The following MRPL38 variants were observed in gnomAD, a reference collection of about 807,000 sequenced individuals.
The protein encoded by MRPL38 is mitochondrial ribosomal protein L38, also known as large ribosomal subunit protein mL38.
In MRPL38, 51 loss-of-function variants were observed where a neutral mutation model predicts 52.1. That is an observed-to-expected ratio of 0.98 (90% CI 0.78 to 1.24). The LOEUF is 1.24. Ranked by LOEUF, MRPL38 falls within the 50% of genes most tolerant of loss-of-function variation. The pLI, the probability that MRPL38 is intolerant of heterozygous loss-of-function variation, is 0.00. For synonymous variants in MRPL38, 245 were observed against 212.7 expected, an observed-to-expected ratio of 1.15 and a Z score of -1.32; for missense variants, 527 against 518.6, an observed-to-expected ratio of 1.02 and a Z score of -0.16.
At chr17:75,900,885 T>A in intron 6 of MRPL38, 97 bp downstream of exon 6, 2 of 1,500,622 alleles carry the variant, frequency 1.3e-6, no homozygotes, top group Non-Finnish European at 1.8e-6. Flanking sequence ...CAAGGTCCCA[T>A]GGGTAGTCCA....
intron 1 of MRPL38, 27 bp from the exon 2 acceptor site, chr17:75,904,746 C>G: frequency 7.2e-7 from 1 of 1,391,716 alleles, no homozygotes; most frequent in Non-Finnish European, 9.5e-7. Flanking sequence ...GACGTAAGGC[C>G]GGCGCCCCAC....
At chr17:75,899,352 C>T (rs2065393358) in intron 7 of MRPL38, 58 bp from the exon 8 acceptor site, 1 of 1,582,306 alleles carries the variant, frequency 6.3e-7, no homozygotes, top group Admixed American at 1.8e-5. Context: ...GCCCCTCACC[C>T]CGCCACCCCA....
intron 2 of MRPL38, among the ~76,000 whole-genome samples, chr17:75,903,444 CT>C (rs1411813878): frequency 6.6e-6 from 1 of 152,152 alleles, no homozygotes; most frequent in Non-Finnish European, 1.5e-5. Context: ...CGAAAACATA[CT>C]GAGCCCTCAT....
Position 75,899,562 on chromosome 17 carries a change from G to A in MRPL38, c.823C>T (p.Gln275Ter). 1 of 1,606,036 alleles carries A rather than the reference G, an allele frequency of 6.2e-7. No individual in the cohort carries two copies. The highest frequency in any genetic ancestry group is 8.5e-7 in the Non-Finnish European group (1 of 1,175,402). Residue 275 changes from glutamine to a stop codon, truncating the protein, a stop_gained, in exon 7 of 9, where the codon CAG becomes TAG. Coordinates refer to ENST00000309352, the MANE Select transcript of MRPL38 (RefSeq NM_032478.4). LOFTEE classifies it high-confidence loss of function. ...TCAGAGAAGTCAATCGGCTGGTCCTGCTTGAAGAGCAGGAAGGCAAGACGG... is the reference window on the plus strand; with the variant it reads ...TCAGAGAAGTCAATCGGCTGGTCCTACTTGAAGAGCAGGAAGGCAAGACGG... ...IHRLAFLLFK[Q>*]DQPIDFSEDA... is the part of the protein sequence containing the mutation.
rs1323771170 is a variant in MRPL38, at chr17:75,899,140, C to T, written c.1006+18G>A. ...GGGAGCTCAGGCCCACCCAGTGCCCCAGCCCCATGGCCCTTACCCAGAAGC... is the reference window on the plus strand; with the variant it reads ...GGGAGCTCAGGCCCACCCAGTGCCCTAGCCCCATGGCCCTTACCCAGAAGC... On this transcript the variant is annotated intron_variant, in intron 8 of 8. Coordinates refer to ENST00000309352, the MANE Select transcript of MRPL38 (RefSeq NM_032478.4). 1.9e-6 allele frequency: 3 copies of T among 1,592,992 alleles called. No individual in the cohort carries two copies. In the South Asian group the frequency reaches 3.4e-5, roughly 18 times the overall value.
rs2065392933 is a variant in MRPL38 at position 75,899,297 on chromosome 17, A to G, written c.870-3T>C. The G allele has an allele frequency of 1.9e-6, 3 of 1,612,254 alleles. No homozygotes were observed. Among genetic ancestry groups the G allele is most frequent in the Non-Finnish European group, 2.5e-6 (3 of 1,179,426 alleles). The stretch of plus-strand genomic sequence containing the variant: ...AGGTCCGCTGGGCCAGCTGATAGCT[A>G]TGAGAAGATAGAGAGCGTATGAGAG... On this transcript the variant is annotated splice_region_variant and splice_polypyrimidine_tract_variant and intron_variant, in intron 7 of 8. Coordinates refer to ENST00000309352, the MANE Select transcript of MRPL38 (RefSeq NM_032478.4).
chr17:75,899,529 G>T lies in MRPL38; in HGVS notation c.856C>A (p.Arg286Ser), dbSNP rs566410319. 1 of 1,589,890 alleles carries T rather than the reference G, an allele frequency of 6.3e-7. No individual in the cohort carries two copies. The highest frequency in any genetic ancestry group is 8.6e-7 in the Non-Finnish European group (1 of 1,164,340). ...GGTGTAGATTACCAGGGTGAGGGGC[G>T]TGCGTCCTCAGAGAAGTCAATCGGC... ...DQPIDFSEDA[R>S]PSPCYQLAQR... The change falls in exon 7 of 9, where the codon CGC (arginine) becomes AGC (serine). Residue 286 changes from arginine (R) to serine (S), a missense_variant. Coordinates refer to ENST00000309352, the MANE Select transcript of MRPL38 (RefSeq NM_032478.4).
In MRPL38 at chr17:75,898,908, G is replaced by A. The variant is rs2065389854; in HGVS notation, c.1085C>T (p.Pro362Leu). 6.2e-7 allele frequency: 1 copy of A among 1,611,344 alleles called. No individual in the cohort carries two copies. Among genetic ancestry groups the A allele is most frequent in the Non-Finnish European group, 8.5e-7 (1 of 1,179,276 alleles). The change falls in exon 9 of 9, where the codon CCC becomes CTC. Residue 362 changes from proline (P) to leucine (L), a missense_variant. Pro to Leu is a moderately conservative substitution (Grantham distance 98, BLOSUM62 -3). Transcript: ENST00000309352. ...CCTGTACCGGTCCAGGTAGCGCAGG[G>A]GCTGCCGGTGGGGGAAGCGCTTCTG... is the stretch of plus-strand genomic sequence containing the variant. ...PKQKRFPHRQ[P>L]LRYLDRYRDS...
intron 6 of MRPL38, chr17:75,899,930 G>A (rs1193311133): frequency 2.9e-5 from 9 of 306,384 alleles, no homozygotes; most frequent in South Asian, 1.4e-4. Context: ...CCATGCAGCC[G>A]CTTCCAGGCC....
chr17:75,900,218 C>T (rs1046446), intron 6 of MRPL38: 30,084 of 152,350 alleles, frequency 0.2, 3,075 homozygotes, highest in Non-Finnish European at 0.22. Flanking sequence ...CCTCTGCCCC[C>T]TGGCCTGGTG....
chr17:75,899,942 C>T (rs568652598), intron 6 of MRPL38: 8 of 281,108 alleles, frequency 2.8e-5, no homozygotes, highest in African/African-American at 8.7e-5. Context: ...TTCCAGGCCC[C>T]GGGAGCCGGT....
chr17:75,898,946 A>G lies in MRPL38; in HGVS notation c.1047T>C (p.Pro349=), dbSNP rs547077723. 5 of 1,607,520 alleles carry G rather than the reference A, an allele frequency of 3.1e-6. No homozygotes were observed. In the East Asian group the frequency reaches 9.0e-5, roughly 29 times the overall value. Residue 349 remains proline (P), a synonymous_variant, in exon 9 of 9, where the codon CCT becomes CCC. Transcript: ENST00000309352. ...EPVFEFVRPP[P]YHPKQKRFPH... is the part of the protein sequence containing the mutation. Reference sequence around the variant, plus strand: ...GGAAGCGCTTCTGCTTGGGGTGGTAAGGGGGCGGCCGCACGAACTCAAACA... The same window carrying G: ...GGAAGCGCTTCTGCTTGGGGTGGTAGGGGGGCGGCCGCACGAACTCAAACA...
intron 7 of MRPL38, 26 bp from the exon 8 acceptor site, chr17:75,899,320 G>C (rs750825274): frequency 7.5e-6 from 12 of 1,607,838 alleles, no homozygotes; most frequent in Non-Finnish European, 1.7e-6. Context: ...GAGCGTATGA[G>C]AGTGTGGAGT....
At chr17:75,903,882 C>A (rs1239313598) in intron 2 of MRPL38, among the ~76,000 whole-genome samples, 1 of 152,128 alleles carries the variant, frequency 6.6e-6, no homozygotes, top group African/African-American at 2.4e-5. Context: ...GCATGCGACA[C>A]CACGCCCAGT....
intron 2 of MRPL38, 125 bp from the exon 3 acceptor site, chr17:75,902,279 T>C: frequency 8.7e-7 from 1 of 1,145,290 alleles, no homozygotes; most frequent in South Asian, 1.6e-5. Flanking sequence ...AATTTTTGTA[T>C]TTTTTGTAGA....
intron 6 of MRPL38, 190 bp from the exon 7 acceptor site, chr17:75,899,864 T>C: frequency 2.4e-6 from 1 of 419,388 alleles, no homozygotes; most frequent in Non-Finnish European, 4.1e-6. Flanking sequence ...GGAAGCGGGC[T>C]GGAGGAGCTC....
At position 75,901,717 on chromosome 17, in the gene MRPL38, T is replaced by C. The variant is rs377559883; in HGVS notation, c.586A>G (p.Thr196Ala). The change falls in exon 4 of 9, where the codon ACC (threonine) becomes GCC (alanine). Residue 196 changes from threonine (T) to alanine (A), a missense_variant. Coordinates refer to ENST00000309352, the MANE Select transcript of MRPL38 (RefSeq NM_032478.4). The surrounding 1 kb of genome is among the most constrained non-coding windows in gnomAD (Gnocchi z 5.7). The part of the protein sequence containing the change: ...PVYCGNEVTP[T>A]EAAQAPEVTY... ...GGGCACAAGTGAGTGGTTACCTCGG[T>C]TGGAGTCACCTCATTGCCACAGTAC... 6.8e-5 allele frequency: 110 copies of C among 1,613,630 alleles called. No individual in the cohort carries two copies. Among genetic ancestry groups the C allele is most frequent in the Non-Finnish European group, 8.5e-5 (100 of 1,179,828 alleles).
In MRPL38 at chr17:75,899,637, C is replaced by A; in HGVS notation, c.748G>T (p.Val250Leu). The A allele has an allele frequency of 6.3e-7, 1 of 1,594,106 alleles. No individual in the cohort carries two copies. The highest frequency in any genetic ancestry group is 8.5e-7 in the Non-Finnish European group (1 of 1,169,684). ...IPGNRVAEGQVTCPYLPPFPA... is the reference protein window; with the variant it reads ...IPGNRVAEGQLTCPYLPPFPA... Reference sequence around the variant, plus strand: ...AAGGGGGGGAGGTAGGGACACGTCACCTGTCCTTCAGCCACCCGGTTACCC... The same window carrying A: ...AAGGGGGGGAGGTAGGGACACGTCAACTGTCCTTCAGCCACCCGGTTACCC... The change falls in exon 7 of 9, where the codon GTG (valine) becomes TTG (leucine). Residue 250 changes from valine (V) to leucine (L), a missense_variant. Transcript: ENST00000309352.
At position 75,899,362 on chromosome 17, in the gene MRPL38, A is replaced by C. The variant is rs549336748; in HGVS notation, c.870-68T>G. On this transcript the variant is annotated intron_variant, in intron 7 of 8. Transcript: ENST00000309352. ...CCAGAGCCCCTCACCCCGCCACCCCAACAGGTAACCCTGAGAGGCCCCTGG... is the reference window on the plus strand; with the variant it reads ...CCAGAGCCCCTCACCCCGCCACCCCCACAGGTAACCCTGAGAGGCCCCTGG... 26 of 1,572,340 alleles carry C rather than the reference A, an allele frequency of 1.7e-5. No individual in the cohort carries two copies. In the African/African-American group the frequency reaches 3.2e-4, roughly 20 times the overall value.
Sources: gnomAD v4.1 joint callset for allele counts (sites outside exome capture counted in the v4.1 genomes callset) on GRCh38, gnomAD v4.1.1 for gene constraint, Gnocchi (gnomAD v3.1) non-coding constraint, MANE v1.5 for transcripts, NCBI Gene and HGNC (gene_info 2026-07-23, HGNC 2026-07-21) for gene names.